UBE3B: variants seen among roughly 807,000 people sequenced by gnomAD.
UBE3B encodes the protein ubiquitin-protein ligase E3B.
UBE3B carries 80 observed loss-of-function variants against 132.3 expected under a neutral mutation model. The ratio of observed to expected loss-of-function variants is 0.60; its 90% CI spans 0.50 to 0.73. UBE3B has a LOEUF of 0.73. UBE3B is among the 30% of genes least tolerant of loss of function. The probability of loss-of-function intolerance (pLI) is 0.00; values close to 1 mark genes in which losing one functional copy is unlikely to be tolerated. For missense variants in UBE3B, 1,196 were observed against 1,362.5 expected (o/e 0.88, Z 1.92); for synonymous variants, 487 against 520.4 (o/e 0.94, Z 0.87).
chr12:109,484,440 G>C (rs1162251783), intron 4 of UBE3B, among the ~76,000 whole-genome samples: 2 of 152,156 alleles, frequency 1.3e-5, no homozygotes, highest in South Asian at 2.1e-4. Context: ...CGCCAGGCTG[G>C]TGTGCAGTGG....
chr12:109,488,520 G>T (rs1311262711), intron 6 of UBE3B, 52 bp from the exon 7 acceptor site: 10 of 1,530,246 alleles, frequency 6.5e-6, no homozygotes, highest in Non-Finnish European at 8.2e-6. Context: ...ACACTTCACT[G>T]TCTGGAATCA....
At chr12:109,528,901 G>A (rs1882662794) in intron 24 of UBE3B, among the ~76,000 whole-genome samples, 1 of 151,746 alleles carries the variant, frequency 6.6e-6, no homozygotes, top group South Asian at 2.1e-4. Context: ...GCTCACATCT[G>A]TAATCCCAGC....
At chr12:109,515,666 G>T (rs1185190880) in intron 18 of UBE3B, among the ~76,000 whole-genome samples, 1 of 152,206 alleles carries the variant, frequency 6.6e-6, no homozygotes, top group Non-Finnish European at 1.5e-5. Context: ...ACTGTGCCCA[G>T]CTGTTACTGT....
chr12:109,545,054 T>C, the UBE3B span, among the ~76,000 whole-genome samples: 1 of 132,292 alleles, frequency 7.6e-6, no homozygotes, highest in African/African-American at 2.8e-5. Flanking sequence ...ACCAGGAAGG[T>C]GACCTCACTC....
At chr12:109,493,551 T>C (rs1234901267) in intron 9 of UBE3B, among the ~76,000 whole-genome samples, 1 of 152,250 alleles carries the variant, frequency 6.6e-6, no homozygotes, top group East Asian at 1.9e-4. Context: ...ATTGAATCAC[T>C]TGTTAAGGCC....
rs569826286 is a variant in UBE3B, at chr12:109,522,362, A to G, written c.2364+811A>G. 6.6e-6 allele frequency among the ~76,000 whole-genome samples: 1 copy of G among 152,250 alleles called. No individual in the cohort carries two copies. Among genetic ancestry groups the G allele is most frequent in the African/African-American group, 2.4e-5 (1 of 41,526 alleles). ...GTCCATTGAAAGCCAAGGTGGGACC[A>G]CCTTCAGTGGGAAGTCACCGCCTGT... On this transcript the variant is annotated intron_variant, in intron 21 of 27. Transcript: ENST00000342494. This position sits in a 1 kb window ranked among gnomAD's most constrained non-coding sequence, Gnocchi z 4.2.
At chr12:109,509,428 C>A in intron 15 of UBE3B, 168 bp from the exon 16 acceptor site, 1 of 513,746 alleles carries the variant, frequency 1.9e-6, no homozygotes, top group Non-Finnish European at 3.4e-6. Context: ...CCCTTTCCCC[C>A]TACCCCTGAT....
At chr12:109,490,887 C>A in intron 8 of UBE3B, 158 bp from the exon 9 acceptor site, 1 of 1,054,688 alleles carries the variant, frequency 9.5e-7, no homozygotes, top group Non-Finnish European at 1.3e-6. Context: ...ATCTTCCTGC[C>A]TCAGCCTCCT....
chr12:109,507,654 G>A lies in UBE3B; in HGVS notation c.1541G>A (p.Cys514Tyr). ...GGAGGGTTAAAGCTCTTCTTGGAAT[G>A]CCTGAACAATGACACTGAAGAGTCC... Reference protein sequence around the residue: ...PHGGLKLFLECLNNDTEESKQ... With the variant: ...PHGGLKLFLEYLNNDTEESKQ... Residue 514 changes from cysteine (C) to tyrosine (Y), a missense_variant, in exon 15 of 28, where the codon TGC (cysteine) becomes TAC (tyrosine). Cys to Tyr is a radical substitution (Grantham distance 194). Coordinates refer to ENST00000342494, the MANE Select transcript of UBE3B (RefSeq NM_130466.4). 6.2e-7 allele frequency: 1 copy of A among 1,614,188 alleles called. No individual in the cohort carries two copies. The highest frequency in any genetic ancestry group is 1.7e-4 in the Middle Eastern group (1 of 6,058).
intron 10 of UBE3B, 86 bp from the exon 11 acceptor site, chr12:109,498,147 C>T (rs1220801356): frequency 5.3e-5 from 82 of 1,558,850 alleles, no homozygotes; most frequent in South Asian, 7.2e-5. Flanking sequence ...TCCATAACCA[C>T]GGGTGATCTG....
intron 15 of UBE3B, chr12:109,508,755 G>C: frequency 1.0e-6 from 1 of 984,548 alleles, no homozygotes; most frequent in African/African-American, 1.7e-5. Context: ...AGTGTATGGA[G>C]CAGTGTTAGG....
At chr12:109,486,671 A>G (rs1876523877) in intron 6 of UBE3B, 96 bp downstream of exon 6, 1 of 1,029,888 alleles carries the variant, frequency 9.7e-7, no homozygotes, top group South Asian at 1.7e-5. Context: ...CAGAGTCACT[A>G]TCAACGAGAG....
downstream of UBE3B, chr12:109,536,717 T>A (rs1883462921): frequency 6.6e-6 from 1 of 152,252 alleles, no homozygotes; most frequent in Non-Finnish European, 1.5e-5. Context: ...GGCTGCGTTC[T>A]GCATTTCATT....
At chr12:109,543,043 G>A in the UBE3B span, among the ~76,000 whole-genome samples, 1 of 152,202 alleles carries the variant, frequency 6.6e-6, no homozygotes, top group African/African-American at 2.4e-5. Context: ...GCCCTGCCCA[G>A]GCTAGATACC....
rs1440889628 is a variant in UBE3B at position 109,507,629 on chromosome 12, G to A, written c.1516G>A (p.Gly506Arg). 5.6e-6 allele frequency: 9 copies of A among 1,613,986 alleles called. No individual in the cohort carries two copies. The highest frequency in any genetic ancestry group is 1.7e-5 in the Admixed American group (1 of 59,986). The change falls in exon 15 of 28, where the codon GGA (glycine) becomes AGA (arginine). Residue 506 changes from glycine to arginine, a missense_variant. Gly to Arg is a moderately radical substitution (Grantham distance 125, BLOSUM62 -2). Coordinates refer to ENST00000342494, the MANE Select transcript of UBE3B (RefSeq NM_130466.4). ...ATTTATCTGTGAGCTCGGGCCCCAC[G>A]GAGGGTTAAAGCTCTTCTTGGAATG... ...WAFICELGPH[G>R]GLKLFLECLN...
intron 1 of UBE3B, 126 bp downstream of exon 1, chr12:109,478,235 C>G (rs1874657838): frequency 6.6e-6 from 1 of 152,176 alleles, no homozygotes; most frequent in South Asian, 2.1e-4. Flanking sequence ...TAAAGAAAAA[C>G]TTGATCGTAA....
intron 9 of UBE3B, chr12:109,491,482 G>T (rs1215921871): frequency 1.0e-5 from 2 of 193,610 alleles, no homozygotes; most frequent in Non-Finnish European, 2.1e-5. Flanking sequence ...CCAGCAAAGG[G>T]CAGGGTGAGA....
chr12:109,479,045 A>G (rs1216196699), intron 1 of UBE3B, among the ~76,000 whole-genome samples: 1 of 152,242 alleles, frequency 6.6e-6, no homozygotes, highest in Non-Finnish European at 1.5e-5. Context: ...ACTCTGCCAC[A>G]TACTAATGGT....
In UBE3B at chr12:109,498,266, C is replaced by T. The variant is rs774395024; in HGVS notation, c.853C>T (p.Arg285Cys). 7 of 1,613,936 alleles carry T rather than the reference C, an allele frequency of 4.3e-6. No homozygotes were observed. Among genetic ancestry groups the T allele is most frequent in the African/African-American group, 2.7e-5 (2 of 74,896 alleles). Residue 285 changes from arginine to cysteine, a missense_variant, in exon 11 of 28, where the codon CGT (arginine) becomes TGT (cysteine). Coordinates refer to ENST00000342494, the MANE Select transcript of UBE3B (RefSeq NM_130466.4). ...TGTTTTAGAATCCCATGACATGCTT[C>T]GTAAATTCATCATATTTTTAAGAGA... ...LTVLESHDMLRKFIIFLRDQD... is the reference protein window; with the variant it reads ...LTVLESHDMLCKFIIFLRDQD...
Sources: gnomAD v4.1 joint callset for allele counts (sites outside exome capture counted in the v4.1 genomes callset) on GRCh38, gnomAD v4.1.1 for gene constraint, Gnocchi (gnomAD v3.1) non-coding constraint, MANE v1.5 for transcripts, NCBI Gene and HGNC (gene_info 2026-07-23, HGNC 2026-07-21) for gene names.